ARMC2: variants seen among roughly 807,000 people sequenced by gnomAD.
ARMC2 encodes armadillo repeat containing 2.
ARMC2 carries 67 observed loss-of-function variants against 90.3 expected under a neutral mutation model. That is an observed-to-expected ratio of 0.74 (90% confidence interval 0.61 to 0.91). The LOEUF is 0.91. Ranked by LOEUF, ARMC2 falls within the 40% of genes least tolerant of loss-of-function variation. ARMC2 has a pLI of 0.00. For synonymous variants in ARMC2, 393 were observed against 393.0 expected, an observed-to-expected ratio of 1.00 and a Z score of 0.00; for missense variants, 920 against 1,030.9, an observed-to-expected ratio of 0.89 and a Z score of 1.47.
intron 12 of ARMC2, among the ~76,000 whole-genome samples, chr6:108,937,840 G>GCC (rs1171272387): frequency 7.9e-5 from 12 of 151,892 alleles, no homozygotes; most frequent in Admixed American, 2.6e-4. Context: ...GACTACAGGC[G>GCC]TGCCACCACA....
the ARMC2 span, among the ~76,000 whole-genome samples, chr6:109,037,369 G>A: frequency 3.3e-5 from 5 of 152,142 alleles, no homozygotes; most frequent in African/African-American, 1.2e-4. Flanking sequence ...TTATTAGGCC[G>A]TAGAAACCAT....
intron 5 of ARMC2, among the ~76,000 whole-genome samples, chr6:108,890,717 C>T (rs1770926150): frequency 6.6e-6 from 1 of 152,142 alleles, no homozygotes; most frequent in Non-Finnish European, 1.5e-5. Context: ...TAGAACAGCA[C>T]TTAATACCAG....
At chr6:108,990,730 T>G in the ARMC2 span, 1 of 1,614,102 alleles carries the variant, frequency 6.2e-7, no homozygotes, top group Non-Finnish European at 8.5e-7. Context: ...GCCATTGTAT[T>G]ATAAGTAAGA....
chr6:109,027,476 CAAAAA>C, the ARMC2 span, among the ~76,000 whole-genome samples: 4 of 27,324 alleles, frequency 1.5e-4, no homozygotes, highest in African/African-American at 4.9e-4. Flanking sequence ...GACTCTGTCT[CAAAAA>C]AAAAAAAAAA....
the ARMC2 span, among the ~76,000 whole-genome samples, chr6:109,027,476 C>CAAAA: frequency 0.11 from 2,904 of 27,314 alleles, 376 homozygotes; most frequent in Non-Finnish European, 0.18. Context: ...GACTCTGTCT[C>CAAAA]AAAAAAAAAA....
rs777030964 is a variant in ARMC2, at chr6:108,936,917, G to A, written c.1514G>A (p.Arg505His). 24 of 1,599,526 alleles carry A rather than the reference G, an allele frequency of 1.5e-5. No individual in the cohort carries two copies. The highest frequency in any genetic ancestry group is 2.7e-5 in the African/African-American group (2 of 74,772). Residue 505 changes from arginine to histidine, a missense_variant, in exon 12 of 18, where the codon CGT becomes CAT. Transcript: ENST00000392644. The stretch of plus-strand genomic sequence containing the variant: ...TTCTGCAGCAAACTTACTTCTTACC[G>A]TGACTGCTGCACAGCCTTGGCCAGC... ...ARIFSKLTSY[R>H]DCCTALASYS... is the part of the protein sequence containing the mutation.
At chr6:108,930,834 A>G (rs1352685852) in intron 11 of ARMC2, among the ~76,000 whole-genome samples, 1 of 151,178 alleles carries the variant, frequency 6.6e-6, no homozygotes, top group Middle Eastern at 3.5e-3. Context: ...TGACCTCGTG[A>G]TCCCCCTGCC....
At chr6:108,941,577 A>T (rs1776445748) in intron 12 of ARMC2, among the ~76,000 whole-genome samples, 1 of 152,206 alleles carries the variant, frequency 6.6e-6, no homozygotes, top group African/African-American at 2.4e-5. Flanking sequence ...GACACAATAA[A>T]GTTACATGTT....
intron 8 of ARMC2, chr6:108,907,751 C>T (rs1006749066): frequency 6.2e-6 from 10 of 1,610,736 alleles, no homozygotes; most frequent in Non-Finnish European, 8.5e-6. Flanking sequence ...CCAGTAGTAA[C>T]CTCTTTGAAA....
intron 5 of ARMC2, among the ~76,000 whole-genome samples, chr6:108,881,144 G>A (rs865900359): frequency 3.3e-4 from 50 of 152,004 alleles, no homozygotes; most frequent in Middle Eastern, 3.4e-3. Context: ...GTGAGCCACC[G>A]TGGCTGGCTT....
chr6:108,929,522 TGGAGTGCAGTGG>T (rs1775359770), intron 11 of ARMC2, among the ~76,000 whole-genome samples: 1 of 152,182 alleles, frequency 6.6e-6, no homozygotes, highest in South Asian at 2.1e-4. Context: ...TCACCCAGGC[TGGAGTGCAGTGG>T]GCACAAACAT....
At position 108,964,173 on chromosome 6, in the gene ARMC2, C is replaced by G; in HGVS notation, c.2153-7C>G. On this transcript the variant is annotated splice_polypyrimidine_tract_variant and splice_region_variant and intron_variant, in intron 15 of 17. Transcript: ENST00000392644. ...TACTGGTCTGCATTTGCTCTCTTCC[C>G]TCGTAGTCCACAGGTTCATGATGGC... 1 of 1,611,630 alleles carries G rather than the reference C, an allele frequency of 6.2e-7. No individual in the cohort carries two copies. The highest frequency in any genetic ancestry group is 1.1e-5 in the South Asian group (1 of 90,674).
rs1471345732 is a variant in ARMC2 at position 108,964,993 on chromosome 6, TTAAGAGA to T, written c.2301_2307del (p.Leu767PhefsTer47). 7 of 1,610,864 alleles carry T rather than the reference TTAAGAGA, an allele frequency of 4.3e-6. No homozygotes were observed. The highest frequency in any genetic ancestry group is 5.9e-6 in the Non-Finnish European group (7 of 1,177,216). On this transcript the variant is annotated frameshift_variant, in exon 17 of 18. Coordinates refer to ENST00000392644, the MANE Select transcript of ARMC2 (RefSeq NM_032131.6). LOFTEE classifies it high-confidence loss of function. The stretch of plus-strand genomic sequence containing the variant: ...TTATTAACTCAGGTTAGTGGACTGT[TTAAGAGA>T]TTTGGGTCCTACTGATTGGCAGCTG...
chr6:108,897,801 A>G (rs1057488867), intron 6 of ARMC2, among the ~76,000 whole-genome samples: 3 of 152,156 alleles, frequency 2.0e-5, no homozygotes, highest in Non-Finnish European at 2.9e-5. Context: ...TGTGTTATCT[A>G]TGGATTTCTC....
chr6:109,002,961 A>G, the ARMC2 span, among the ~76,000 whole-genome samples: 1 of 152,114 alleles, frequency 6.6e-6, no homozygotes, highest in African/African-American at 2.4e-5. Flanking sequence ...GGATGTCATC[A>G]ATCTTGCCCA....
At chr6:108,852,229 ATTC>A (rs1348893509) in intron 1 of ARMC2, among the ~76,000 whole-genome samples, 2 of 152,324 alleles carry the variant, frequency 1.3e-5, no homozygotes, top group Non-Finnish European at 2.9e-5. Flanking sequence ...CCCACTTCTA[ATTC>A]TTCTAAGTCA....
chr6:108,871,750 G>A (rs1362938744), intron 4 of ARMC2, among the ~76,000 whole-genome samples: 1 of 152,126 alleles, frequency 6.6e-6, no homozygotes, highest in Non-Finnish European at 1.5e-5. Context: ...GTACCTGCCT[G>A]TTGTCTGCAT....
chr6:108,924,407 A>C (rs1400189781), intron 10 of ARMC2, among the ~76,000 whole-genome samples: 1 of 152,012 alleles, frequency 6.6e-6, no homozygotes, highest in Non-Finnish European at 1.5e-5. Flanking sequence ...AATCCCAGCT[A>C]CTCGGGAGGC....
At chr6:109,016,039 T>G in the ARMC2 span, among the ~76,000 whole-genome samples, 49 of 152,202 alleles carry the variant, frequency 3.2e-4, no homozygotes, top group Non-Finnish European at 6.5e-4. Context: ...CCAAACCTAA[T>G]ATCTTTAACT....
Sources: gnomAD v4.1 joint callset for allele counts (sites outside exome capture counted in the v4.1 genomes callset) on GRCh38, gnomAD v4.1.1 for gene constraint, MANE v1.5 for transcripts, NCBI Gene and HGNC (gene_info 2026-07-23, HGNC 2026-07-21) for gene names.